PPP2R3A: variants seen among roughly 807,000 people sequenced by gnomAD.
The protein encoded by PPP2R3A is serine/threonine-protein phosphatase 2A regulatory subunit B'' subunit alpha.
Under a neutral mutation model 106.9 loss-of-function variants are expected in PPP2R3A, and 80 were observed. That is an observed-to-expected ratio of 0.75 (90% CI 0.62 to 0.90). The LOEUF (loss-of-function observed/expected upper bound fraction) is 0.90, where lower values mean the gene tolerates loss of function less well. PPP2R3A is among the 40% of genes least tolerant of loss of function. The pLI, the probability that PPP2R3A is intolerant of heterozygous loss-of-function variation, is 0.00. For synonymous variants in PPP2R3A, 483 were observed against 468.3 expected, an observed-to-expected ratio of 1.03 and a Z score of -0.41; for missense variants, 1,386 against 1,350.4, an observed-to-expected ratio of 1.03 and a Z score of -0.41.
At chr3:135,968,736 C>T (rs1395315486) in intron 1 of PPP2R3A, among the ~76,000 whole-genome samples, 1 of 152,152 alleles carries the variant, frequency 6.6e-6, no homozygotes, top group Admixed American at 6.5e-5. Flanking sequence ...ACCACTGATA[C>T]TAGTTTTGTA....
Position 136,002,068 on chromosome 3 carries a change from A to C in PPP2R3A, c.570A>C (p.Arg190Ser). The change falls in exon 2 of 14, where the codon AGA becomes AGC. Residue 190 changes from arginine to serine, a missense_variant. Physicochemically the swap from Arg to Ser is moderately radical, Grantham distance 110. Coordinates refer to ENST00000264977, the MANE Select transcript of PPP2R3A (RefSeq NM_002718.5). The part of the protein sequence containing the change: ...SSVEEKPLSH[R>S]NSLDTNLTSM... ...TTGAGGAAAAACCTTTGTCTCATAG[A>C]AACTCACTGGATACGAACCTGACTT... 1 of 1,614,064 alleles carries C rather than the reference A, an allele frequency of 6.2e-7. No homozygotes were observed. Among genetic ancestry groups the C allele is most frequent in the Non-Finnish European group, 8.5e-7 (1 of 1,179,994 alleles).
At chr3:136,066,099 A>G (rs1936256844) in intron 5 of PPP2R3A, among the ~76,000 whole-genome samples, 1 of 152,254 alleles carries the variant, frequency 6.6e-6, no homozygotes, top group Admixed American at 6.5e-5. Flanking sequence ...CATTTGATTT[A>G]GAAAGGTAAA....
intron 1 of PPP2R3A, among the ~76,000 whole-genome samples, chr3:135,972,559 C>A (rs1937280291): frequency 6.6e-6 from 1 of 152,192 alleles, no homozygotes; most frequent in Admixed American, 6.5e-5. Context: ...TCCACAGATG[C>A]TGCACACTTT....
intron 1 of PPP2R3A, among the ~76,000 whole-genome samples, chr3:135,990,227 T>G (rs543861859): frequency 1.0e-3 from 156 of 152,318 alleles, no homozygotes; most frequent in African/African-American, 3.6e-3. Flanking sequence ...TTCCCTGATC[T>G]CATGATTCCA....
chr3:136,128,062 C>G (rs1180621738), intron 13 of PPP2R3A, among the ~76,000 whole-genome samples: 2 of 152,048 alleles, frequency 1.3e-5, no homozygotes. Context: ...CAAAAACATG[C>G]CAAATTTTAA....
At chr3:136,072,541 G>A (rs1432757249) in intron 6 of PPP2R3A, among the ~76,000 whole-genome samples, 3 of 152,176 alleles carry the variant, frequency 2.0e-5, no homozygotes, top group African/African-American at 2.4e-5. Context: ...GCAGTGAGCT[G>A]AGATTCTTGC....
intron 3 of PPP2R3A, among the ~76,000 whole-genome samples, chr3:136,028,941 C>T (rs1006233160): frequency 1.3e-5 from 2 of 152,234 alleles, no homozygotes; most frequent in South Asian, 4.1e-4. Flanking sequence ...CAATCTCCAC[C>T]TCCCAGATTC....
In PPP2R3A at chr3:136,103,381, C is replaced by A; in HGVS notation, c.3222+5C>A. 1 of 1,562,300 alleles carries A rather than the reference C, an allele frequency of 6.4e-7. No homozygotes were observed. Among genetic ancestry groups the A allele is most frequent in the Non-Finnish European group, 8.8e-7 (1 of 1,137,268 alleles). Reference sequence around the variant, plus strand: ...GATCCCTTTGCGGTCCAGAAGGTAACAGTATAATTTTAACTTTTATTTGAG... The same window carrying A: ...GATCCCTTTGCGGTCCAGAAGGTAAAAGTATAATTTTAACTTTTATTTGAG... On this transcript the variant is annotated splice_donor_5th_base_variant and intron_variant, in intron 12 of 13. Transcript: ENST00000264977.
intron 4 of PPP2R3A, among the ~76,000 whole-genome samples, chr3:136,045,472 G>A (rs527831522): frequency 5.5e-4 from 84 of 152,310 alleles, no homozygotes; most frequent in Non-Finnish European, 4.7e-4. Flanking sequence ...ACAGGAACTG[G>A]GCCACAACCT....
At chr3:136,022,162 T>A (rs981219644) in intron 2 of PPP2R3A, among the ~76,000 whole-genome samples, 2 of 152,182 alleles carry the variant, frequency 1.3e-5, no homozygotes, top group Non-Finnish European at 2.9e-5. Context: ...AAATTCAGTA[T>A]GTAGTATGTC....
At chr3:135,965,926 G>C (rs1457843642) in intron 1 of PPP2R3A, 77 bp downstream of exon 1, 1 of 153,148 alleles carries the variant, frequency 6.5e-6, no homozygotes. Flanking sequence ...GGCGAGGCTC[G>C]GGGCGGCGCG....
chr3:135,975,021 T>G (rs1446975297), intron 1 of PPP2R3A, among the ~76,000 whole-genome samples: 1 of 152,206 alleles, frequency 6.6e-6, no homozygotes, highest in Non-Finnish European at 1.5e-5. Flanking sequence ...GATGTGCTCC[T>G]ACCAATGCCA....
intron 13 of PPP2R3A, among the ~76,000 whole-genome samples, chr3:136,130,025 A>C (rs1260838396): frequency 6.6e-6 from 1 of 152,160 alleles, no homozygotes; most frequent in Non-Finnish European, 1.5e-5. Flanking sequence ...TCAAAATAAT[A>C]AGAGCTCTTT....
chr3:136,090,567 G>A lies in PPP2R3A; in HGVS notation c.2838-11G>A. On this transcript the variant is annotated splice_polypyrimidine_tract_variant and intron_variant, in intron 9 of 13. Coordinates refer to ENST00000264977, the MANE Select transcript of PPP2R3A (RefSeq NM_002718.5). Reference sequence around the variant, plus strand: ...TGCTCAGGAAATTTTATAACCATGTGTTTTCTTTAGGGGAAAAACAATACA... The same window carrying A: ...TGCTCAGGAAATTTTATAACCATGTATTTTCTTTAGGGGAAAAACAATACA... The A allele has an allele frequency of 6.2e-7, 1 of 1,608,682 alleles. No individual in the cohort carries two copies.
At chr3:136,007,131 T>C (rs1933873567) in intron 2 of PPP2R3A, among the ~76,000 whole-genome samples, 1 of 152,226 alleles carries the variant, frequency 6.6e-6, no homozygotes, top group Non-Finnish European at 1.5e-5. Flanking sequence ...AGCTCTCAAA[T>C]GTATCCGAGG....
chr3:135,996,845 G>GCCCC (rs1234570592), intron 1 of PPP2R3A, among the ~76,000 whole-genome samples: 1 of 151,954 alleles, frequency 6.6e-6, no homozygotes, highest in African/African-American at 2.4e-5. Flanking sequence ...TACCTCTCCT[G>GCCCC]CCCCCTAAAC....
chr3:135,985,300 T>A (rs888669623), intron 1 of PPP2R3A, among the ~76,000 whole-genome samples: 2 of 151,802 alleles, frequency 1.3e-5, no homozygotes, highest in Admixed American at 6.6e-5. Flanking sequence ...TCCTGCTCAC[T>A]TTGTCTCTCT....
chr3:135,976,179 C>T (rs965687194), intron 1 of PPP2R3A, among the ~76,000 whole-genome samples: 1 of 149,920 alleles, frequency 6.7e-6, no homozygotes, highest in African/African-American at 2.5e-5. Flanking sequence ...GAACACTTGA[C>T]CTCCTTGGAG....
intron 8 of PPP2R3A, among the ~76,000 whole-genome samples, chr3:136,087,153 G>A (rs373604621): frequency 3.9e-5 from 6 of 152,028 alleles, no homozygotes; most frequent in East Asian, 1.9e-4. Context: ...GCAGTGAGCC[G>A]AGATCACGCC....
Sources: gnomAD v4.1 joint callset for allele counts (sites outside exome capture counted in the v4.1 genomes callset) on GRCh38, gnomAD v4.1.1 for gene constraint, MANE v1.5 for transcripts, NCBI Gene and HGNC (gene_info 2026-07-23, HGNC 2026-07-21) for gene names.